BSN: variants seen among roughly 807,000 people sequenced by gnomAD.
BSN encodes the protein protein bassoon.
In BSN, 57 loss-of-function variants were observed where a neutral mutation model predicts 264.8. That is an observed-to-expected ratio of 0.22 (90% CI 0.17 to 0.27). BSN has a LOEUF of 0.27. Ranked by LOEUF, BSN falls within the 10% of genes least tolerant of loss-of-function variation. The pLI is 1.00. For synonymous variants in BSN, 2,059 were observed against 2,137.3 expected, an observed-to-expected ratio of 0.96 and a Z score of 1.01; for missense variants, 4,615 against 5,232.5, an observed-to-expected ratio of 0.88 and a Z score of 3.64.
intron 2 of BSN, among the ~76,000 whole-genome samples, chr3:49,639,974 TC>T (rs1462073975): frequency 6.6e-6 from 1 of 152,162 alleles, no homozygotes; most frequent in Non-Finnish European, 1.5e-5. Flanking sequence ...TGAGCCCAGG[TC>T]CCCCAACTGG....
chr3:49,653,057 A>G lies in BSN; in HGVS notation c.3501A>G (p.Thr1167=). 6.2e-7 allele frequency: 1 copy of G among 1,613,354 alleles called. No individual in the cohort carries two copies. The highest frequency in any genetic ancestry group is 8.5e-7 in the Non-Finnish European group (1 of 1,179,984). Reference sequence around the variant, plus strand: ...TGTCCCTCTACTCACCAACCGAGACACCCTCCGGCAGCTCCACCACTCCCA... The same window carrying G: ...TGTCCCTCTACTCACCAACCGAGACGCCCTCCGGCAGCTCCACCACTCCCA... ...TFMSLYSPTE[T]PSGSSTTPSS... The change falls in exon 5 of 12, where the codon ACA becomes ACG. Residue 1167 remains threonine (T), a synonymous_variant. Coordinates refer to ENST00000296452, the MANE Select transcript of BSN (RefSeq NM_003458.4). The surrounding 1 kb of genome is among the most constrained non-coding windows in gnomAD (Gnocchi z 6.3).
chr3:49,609,828 G>A (rs1409884540), intron 1 of BSN, among the ~76,000 whole-genome samples: 2 of 152,150 alleles, frequency 1.3e-5, no homozygotes, highest in East Asian at 3.8e-4. Flanking sequence ...CCCCAGACTT[G>A]TCTATCGTCA....
At chr3:49,650,532 A>G in intron 3 of BSN, 80 bp from the exon 4 acceptor site, 1 of 1,350,182 alleles carries the variant, frequency 7.4e-7, no homozygotes, top group Non-Finnish European at 1.0e-6. Context: ...CTAAGGTTAC[A>G]GAAATAGTTA....
chr3:49,648,675 C>T (rs1021426154), intron 3 of BSN, among the ~76,000 whole-genome samples: 7 of 152,206 alleles, frequency 4.6e-5, no homozygotes, highest in African/African-American at 1.7e-4. Flanking sequence ...TCTGGGGGTG[C>T]ACCCTGCCAG....
Position 49,661,233 on chromosome 3 carries a change from A to T in BSN, c.9388A>T (p.Thr3130Ser). The T allele has an allele frequency of 6.2e-7, 1 of 1,613,552 alleles. No homozygotes were observed. Among genetic ancestry groups the T allele is most frequent in the Non-Finnish European group, 8.5e-7 (1 of 1,180,012 alleles). Residue 3130 changes from threonine (T) to serine (S), a missense_variant, in exon 6 of 12, where the codon ACC becomes TCC. This residue lies in a region of BSN where 3,415 missense variants were observed against 3,866.4 expected (regional missense o/e 0.88). Coordinates refer to ENST00000296452, the MANE Select transcript of BSN (RefSeq NM_003458.4). ...GQTPMPTTQS[T>S]LFPVPADSRA... ...AACACCCATGCCAACCACACAGAGC[A>T]CCCTTTTTCCAGTCCCCGCTGATAG...
chr3:49,562,427 ACTT>A (rs1037904235), intron 1 of BSN, among the ~76,000 whole-genome samples: 2 of 152,194 alleles, frequency 1.3e-5, no homozygotes, highest in African/African-American at 4.8e-5. Flanking sequence ...TTTAGCCTCA[ACTT>A]CTTCTTCCTT....
chr3:49,597,207 T>G (rs1396100449), intron 1 of BSN, among the ~76,000 whole-genome samples: 1 of 152,208 alleles, frequency 6.6e-6, no homozygotes, highest in East Asian at 1.9e-4. Context: ...TCTTTATTCT[T>G]TTTTCTCTCT....
At chr3:49,563,310 G>A (rs1035613653) in intron 1 of BSN, among the ~76,000 whole-genome samples, 1 of 152,166 alleles carries the variant, frequency 6.6e-6, no homozygotes, top group African/African-American at 2.4e-5. Flanking sequence ...AGCCAGCAAG[G>A]CTCCTACCCA....
At chr3:49,632,628 G>A (rs1310739481) in intron 2 of BSN, among the ~76,000 whole-genome samples, 2 of 151,964 alleles carry the variant, frequency 1.3e-5, no homozygotes, top group Non-Finnish European at 2.9e-5. Flanking sequence ...ACATGGTGAA[G>A]CCCCATCTCT....
At chr3:49,613,669 T>TC (rs1000003523) in intron 1 of BSN, among the ~76,000 whole-genome samples, 4 of 150,612 alleles carry the variant, frequency 2.7e-5, no homozygotes, top group Admixed American at 2.0e-4. Flanking sequence ...TAATTTTCTT[T>TC]TTTTTTTTTT....
rs145865812 is a variant in BSN at position 49,655,721 on chromosome 3, G to A, written c.6165G>A (p.Pro2055=). ...ATCCTACAGACCTTTTGGCTCACCC[G>A]CTTCCCATGCGGCGCTATAGCTCAG... ...LRHPTDLLAH[P]LPMRRYSSVS... is the part of the protein sequence containing the mutation. Residue 2055 remains proline, a synonymous_variant, in exon 5 of 12, where the codon CCG becomes CCA. Transcript: ENST00000296452. The A allele has an allele frequency of 4.4e-4, 702 of 1,613,386 alleles. No homozygotes were observed. The highest frequency in any genetic ancestry group is 5.7e-4 in the Non-Finnish European group (669 of 1,180,048).
At chr3:49,617,068 AGCTGGTAGAAATCTGGCT>A (rs1159912203) in intron 1 of BSN, among the ~76,000 whole-genome samples, 1 of 152,114 alleles carries the variant, frequency 6.6e-6, no homozygotes, top group Non-Finnish European at 1.5e-5. Flanking sequence ...AAGGAAGAAA[AGCTGGTAGAAATCTGGCT>A]GTTTGTACAT....
At chr3:49,575,604 C>CT (rs926873411) in intron 1 of BSN, among the ~76,000 whole-genome samples, 1 of 140,896 alleles carries the variant, frequency 7.1e-6, no homozygotes, top group East Asian at 2.0e-4. Flanking sequence ...AATATATATA[C>CT]ATATATATGT....
chr3:49,639,019 T>C (rs1025106024), intron 2 of BSN, among the ~76,000 whole-genome samples: 4 of 152,090 alleles, frequency 2.6e-5, no homozygotes, highest in Non-Finnish European at 5.9e-5. Flanking sequence ...GGTCCCTCTC[T>C]GGATGAGTAG....
chr3:49,606,881 C>T (rs2052157154), intron 1 of BSN, among the ~76,000 whole-genome samples: 2 of 152,066 alleles, frequency 1.3e-5, no homozygotes, highest in Admixed American at 6.6e-5. Flanking sequence ...TTTGGGAGGC[C>T]GAGGCGGGCG....
intron 1 of BSN, among the ~76,000 whole-genome samples, chr3:49,558,070 A>T (rs558538806): frequency 5.3e-5 from 8 of 152,328 alleles, no homozygotes; most frequent in South Asian, 4.1e-4. Flanking sequence ...CCTAAGAGAG[A>T]CACTGTGGGC....
At chr3:49,559,432 G>T (rs1041704610) in intron 1 of BSN, among the ~76,000 whole-genome samples, 3 of 152,062 alleles carry the variant, frequency 2.0e-5, no homozygotes, top group Admixed American at 1.3e-4. Context: ...TTCATCATCA[G>T]TATTTCAGTT....
intron 1 of BSN, among the ~76,000 whole-genome samples, chr3:49,582,067 A>G (rs567102772): frequency 1.3e-5 from 2 of 152,294 alleles, no homozygotes; most frequent in East Asian, 3.9e-4. Context: ...AGGCGCTGCC[A>G]AAAATTTTTC....
intron 2 of BSN, among the ~76,000 whole-genome samples, chr3:49,639,617 G>A (rs970200724): frequency 6.6e-6 from 1 of 152,174 alleles, no homozygotes; most frequent in African/African-American, 2.4e-5. Context: ...ATTGGCCTTT[G>A]GGGGGCTCTG....
Sources: allele counts gnomAD v4.1 joint callset (sites outside exome capture counted in the v4.1 genomes callset), GRCh38; gene constraint gnomAD v4.1.1; regional missense constraint gnomAD v4.1.1; non-coding constraint Gnocchi (gnomAD v3.1); transcripts MANE v1.5; gene names NCBI Gene and HGNC (gene_info 2026-07-23, HGNC 2026-07-21).